The following BICC1 variants were observed in gnomAD, a reference collection of about 807,000 sequenced individuals.
BICC1 encodes BicC family RNA binding protein 1, also known as protein bicaudal C homolog 1.
A neutral mutation model predicts 111.0 loss-of-function variants in BICC1; 43 were observed. The ratio of observed to expected loss-of-function variants is 0.39; its 90% confidence interval spans 0.30 to 0.50. The LOEUF (loss-of-function observed/expected upper bound fraction) is 0.50, where lower values mean the gene tolerates loss of function less well. BICC1 is among the 20% of genes least tolerant of loss of function. BICC1 has a pLI of 0.88. For synonymous variants in BICC1, 467 were observed against 434.4 expected (o/e 1.07, Z -0.93); for missense variants, 1,091 against 1,203.2 (o/e 0.91, Z 1.38).
intron 2 of BICC1, among the ~76,000 whole-genome samples, chr10:58,666,072 T>C (rs904453053): frequency 3.3e-5 from 5 of 152,216 alleles, no homozygotes; most frequent in African/African-American, 9.6e-5. Flanking sequence ...AGGAGCTTAA[T>C]TGAGCAATGA....
At chr10:58,634,140 C>T (rs1002260075) in intron 2 of BICC1, among the ~76,000 whole-genome samples, 8 of 151,726 alleles carry the variant, frequency 5.3e-5, no homozygotes, top group African/African-American at 1.2e-4. Flanking sequence ...TACAGGTGCA[C>T]GCCACCACGA....
At chr10:58,593,428 C>T (rs1588904699) in intron 1 of BICC1, among the ~76,000 whole-genome samples, 1 of 152,142 alleles carries the variant, frequency 6.6e-6, no homozygotes, top group South Asian at 2.1e-4. Flanking sequence ...GCCCCTGACC[C>T]CCTTGTATCC....
chr10:58,777,570 T>A (rs531594480), intron 3 of BICC1, among the ~76,000 whole-genome samples: 2 of 152,272 alleles, frequency 1.3e-5, no homozygotes, highest in African/African-American at 4.8e-5. Flanking sequence ...CCTGAAGTAT[T>A]CATTACTGTA....
chr10:58,804,475 AC>A (rs1480255200), intron 15 of BICC1, among the ~76,000 whole-genome samples: 3 of 152,172 alleles, frequency 2.0e-5, no homozygotes, highest in African/African-American at 7.2e-5. Flanking sequence ...CCAAGATTGC[AC>A]CACTGCACTC....
chr10:58,708,171 T>C (rs556843430), intron 3 of BICC1, among the ~76,000 whole-genome samples: 110 of 149,114 alleles, frequency 7.4e-4, no homozygotes, highest in Non-Finnish European at 1.2e-3. Flanking sequence ...TTTGTATTTT[T>C]AGTAGAGACA....
At chr10:58,586,330 A>T (rs1446517347) in intron 1 of BICC1, among the ~76,000 whole-genome samples, 1 of 152,166 alleles carries the variant, frequency 6.6e-6, no homozygotes, top group Non-Finnish European at 1.5e-5. Flanking sequence ...TTTTATATGA[A>T]GTCAAGCTCT....
chr10:58,791,358 A>T (rs1344691654), intron 8 of BICC1, among the ~76,000 whole-genome samples: 2 of 152,340 alleles, frequency 1.3e-5, no homozygotes, highest in African/African-American at 4.8e-5. Flanking sequence ...TTATTGCACA[A>T]CATTGAAATA....
chr10:58,613,896 A>G (rs1425089401), intron 1 of BICC1, among the ~76,000 whole-genome samples: 4 of 152,212 alleles, frequency 2.6e-5, no homozygotes, highest in Non-Finnish European at 4.4e-5. Context: ...CATCGAACCT[A>G]AGTCCTAAGT....
intron 1 of BICC1, among the ~76,000 whole-genome samples, chr10:58,589,235 A>G (rs1225324955): frequency 2.0e-5 from 3 of 151,940 alleles, no homozygotes; most frequent in Admixed American, 2.0e-4. Flanking sequence ...TCACCTCCCT[A>G]CCAGCGCCTC....
At chr10:58,823,912 G>A (rs1844322177) in intron 20 of BICC1, 4 of 985,224 alleles carry the variant, frequency 4.1e-6, no homozygotes, top group Non-Finnish European at 4.8e-6. Flanking sequence ...CAAGATACAT[G>A]TATTCAGCTT....
intron 19 of BICC1, among the ~76,000 whole-genome samples, chr10:58,818,289 T>G (rs1358424830): frequency 1.3e-5 from 2 of 152,154 alleles, no homozygotes; most frequent in Non-Finnish European, 2.9e-5. Context: ...TGGATTTTGG[T>G]CAAACTGATT....
intron 1 of BICC1, among the ~76,000 whole-genome samples, chr10:58,583,582 CTCTGTGTGTGTGTGTGTGTG>C (rs1844343545): frequency 1.4e-5 from 1 of 69,554 alleles, no homozygotes; most frequent in South Asian, 5.1e-4. Context: ...TATTCTCTCT[CTCTGTGTGTGTGTGTGTGTG>C]TGTGTGTGTG....
intron 2 of BICC1, among the ~76,000 whole-genome samples, chr10:58,684,757 C>T (rs1382680826): frequency 6.6e-6 from 1 of 151,914 alleles, no homozygotes; most frequent in Non-Finnish European, 1.5e-5. Context: ...CTATTTGATT[C>T]TTCTCTCTTC....
chr10:58,538,346 C>G (rs1326502062), intron 1 of BICC1, among the ~76,000 whole-genome samples: 1 of 151,806 alleles, frequency 6.6e-6, no homozygotes, highest in Non-Finnish European at 1.5e-5. Context: ...TGATCTTTGG[C>G]AAAGCGTACA....
rs1375233206 is a variant in BICC1 at position 58,796,414 on chromosome 10, A to G, written c.1254A>G (p.Glu418=). The change falls in exon 10 of 21, where the codon GAA becomes GAG. Residue 418 remains glutamate (E), a synonymous_variant. Transcript: ENST00000373886. The part of the protein sequence containing the change: ...YEARKCLLGL[E]SSGVTIATSP... ...CAAGGAAATGTCTCCTCGGACTTGAAAGCAGTGGGGTTACCATAGCAACCA... is the reference window on the plus strand; with the variant it reads ...CAAGGAAATGTCTCCTCGGACTTGAGAGCAGTGGGGTTACCATAGCAACCA... 1 of 1,613,970 alleles carries G rather than the reference A, an allele frequency of 6.2e-7. No individual in the cohort carries two copies. The highest frequency in any genetic ancestry group is 8.5e-7 in the Non-Finnish European group (1 of 1,180,006).
chr10:58,538,089 A>G (rs1842867264), intron 1 of BICC1, among the ~76,000 whole-genome samples: 1 of 151,886 alleles, frequency 6.6e-6, no homozygotes, highest in Non-Finnish European at 1.5e-5. Context: ...CAAAATAACC[A>G]ACATCGTTTT....
chr10:58,563,753 CTT>C (rs2131957341), intron 1 of BICC1, among the ~76,000 whole-genome samples: 1 of 152,238 alleles, frequency 6.6e-6, no homozygotes, highest in East Asian at 1.9e-4. Context: ...TTTCATGTCT[CTT>C]AGCAACAGCA....
chr10:58,776,208 G>T (rs1261625630), intron 3 of BICC1, among the ~76,000 whole-genome samples: 1 of 152,138 alleles, frequency 6.6e-6, no homozygotes, highest in Non-Finnish European at 1.5e-5. Context: ...TTATTTACGG[G>T]ACTTTCTTAG....
intron 1 of BICC1, among the ~76,000 whole-genome samples, chr10:58,566,718 G>T (rs1053879792): frequency 6.6e-6 from 1 of 151,778 alleles, no homozygotes; most frequent in Non-Finnish European, 1.5e-5. Flanking sequence ...AGGTTGTATC[G>T]CATCATGGTT....
Sources: allele counts gnomAD v4.1 joint callset (sites outside exome capture counted in the v4.1 genomes callset), GRCh38; gene constraint gnomAD v4.1.1; transcripts MANE v1.5; gene names NCBI Gene and HGNC (gene_info 2026-07-23, HGNC 2026-07-21).